The following IGF2BP2 variants were observed in gnomAD, a reference collection of about 807,000 sequenced individuals.
IGF2BP2 encodes the protein insulin-like growth factor 2 mRNA-binding protein 2.
A neutral mutation model predicts 75.8 loss-of-function variants in IGF2BP2; 17 were observed. The observed-to-expected ratio is 0.22, with a 90% CI of 0.15 to 0.34. The LOEUF (loss-of-function observed/expected upper bound fraction) is 0.34. Ranked by LOEUF, IGF2BP2 falls within the 10% of genes least tolerant of loss-of-function variation. The pLI is 1.00. For synonymous variants in IGF2BP2, 288 were observed against 295.6 expected, an observed-to-expected ratio of 0.97 and a Z score of 0.26; for missense variants, 516 against 772.4, an observed-to-expected ratio of 0.67 and a Z score of 3.93.
At chr3:185,781,615 T>A (rs534308503) in intron 2 of IGF2BP2, among the ~76,000 whole-genome samples, 2 of 152,218 alleles carry the variant, frequency 1.3e-5, no homozygotes, top group African/African-American at 4.8e-5. Flanking sequence ...GATACAACTC[T>A]GGACATATAT....
intron 2 of IGF2BP2, among the ~76,000 whole-genome samples, chr3:185,711,772 G>T (rs1724834284): frequency 1.3e-5 from 2 of 152,156 alleles, no homozygotes. Context: ...CTTGCCTAGA[G>T]CCTTGTCCTT....
At chr3:185,653,041 AAAG>A (rs1269058754) in intron 12 of IGF2BP2, among the ~76,000 whole-genome samples, 1 of 152,058 alleles carries the variant, frequency 6.6e-6, no homozygotes, top group East Asian at 1.9e-4. Flanking sequence ...AAAGTCCTCC[AAAG>A]AAGAGCTCAA....
Position 185,644,409 on chromosome 3 carries a change from A to G in IGF2BP2, c.*1122T>C, listed in dbSNP as rs1238331098. ...ACAAAATACATTCTTTCATTGTGGA[A>G]TTTTTTCTTTGTTTGGTTGATTGGT... On this transcript the variant is annotated 3_prime_UTR_variant, in exon 16 of 16. Transcript: ENST00000382199. The G allele has an allele frequency of 6.6e-6, 1 of 152,212 alleles. No individual in the cohort carries two copies. 9.4% of individuals were successfully genotyped at this position (152,212 alleles called of 1,614,324 possible). A position where few individuals can be genotyped will look rare whatever the true frequency, so the allele number is the denominator to read the frequency against.
chr3:185,782,242 G>C (rs1345245651), intron 2 of IGF2BP2, among the ~76,000 whole-genome samples: 3 of 152,094 alleles, frequency 2.0e-5, no homozygotes, highest in African/African-American at 4.8e-5. Flanking sequence ...TAATGATGTA[G>C]AGAATTATTA....
intron 2 of IGF2BP2, among the ~76,000 whole-genome samples, chr3:185,799,609 G>A (rs1178775444): frequency 8.5e-5 from 13 of 152,114 alleles, no homozygotes; most frequent in African/African-American, 3.1e-4. Flanking sequence ...AAAATTAGCT[G>A]GGCGTGGTGG....
At chr3:185,740,933 G>A (rs1488706148) in intron 2 of IGF2BP2, among the ~76,000 whole-genome samples, 2 of 152,030 alleles carry the variant, frequency 1.3e-5, no homozygotes, top group African/African-American at 2.4e-5. Context: ...GCTGGAGTGC[G>A]GTGGCGCGAT....
chr3:185,659,888 G>A (rs1395033558), intron 10 of IGF2BP2, among the ~76,000 whole-genome samples: 3 of 149,002 alleles, frequency 2.0e-5, no homozygotes, highest in East Asian at 2.0e-4. Flanking sequence ...TCCACCTCCC[G>A]GGTTCAAGCG....
chr3:185,682,836 G>A (rs1720584401), intron 7 of IGF2BP2, among the ~76,000 whole-genome samples: 1 of 152,174 alleles, frequency 6.6e-6, no homozygotes, highest in Non-Finnish European at 1.5e-5. Flanking sequence ...CCTGTGCACT[G>A]TTGGTGGGGT....
chr3:185,810,484 G>A (rs1200050900), intron 2 of IGF2BP2, among the ~76,000 whole-genome samples: 1 of 152,152 alleles, frequency 6.6e-6, no homozygotes, highest in Non-Finnish European at 1.5e-5. Flanking sequence ...ACATTTAACA[G>A]GCAGAATGGC....
intron 2 of IGF2BP2, among the ~76,000 whole-genome samples, chr3:185,796,123 G>T (rs1182743646): frequency 6.6e-6 from 1 of 152,052 alleles, no homozygotes; most frequent in African/African-American, 2.4e-5. Flanking sequence ...AATCCCTAAG[G>T]TCTATGGATT....
At chr3:185,803,884 G>A (rs954820692) in intron 2 of IGF2BP2, among the ~76,000 whole-genome samples, 3 of 152,194 alleles carry the variant, frequency 2.0e-5, no homozygotes, top group Non-Finnish European at 4.4e-5. Flanking sequence ...AGCACTTTAG[G>A]AGGCCGAGGC....
chr3:185,794,089 C>G (rs1238955291), intron 2 of IGF2BP2, among the ~76,000 whole-genome samples: 1 of 151,820 alleles, frequency 6.6e-6, no homozygotes, highest in Non-Finnish European at 1.5e-5. Flanking sequence ...TCTCAAGCAG[C>G]TGAGACTACA....
intron 7 of IGF2BP2, 31 bp downstream of exon 7, chr3:185,687,026 T>A (rs765962180): frequency 6.2e-7 from 1 of 1,603,054 alleles, no homozygotes; most frequent in Non-Finnish European, 8.5e-7. Context: ...TTTTCTCTGT[T>A]GAGTGATCTG....
At chr3:185,672,431 G>C (rs148178401) in intron 10 of IGF2BP2, 110 bp downstream of exon 10, 2 of 1,122,980 alleles carry the variant, frequency 1.8e-6, no homozygotes, top group South Asian at 3.3e-5. Flanking sequence ...ATCTCTACTC[G>C]AGCATGGCCT....
At chr3:185,820,235 T>TACACACACACACACACAC (rs202064714) in intron 2 of IGF2BP2, among the ~76,000 whole-genome samples, 194 of 102,796 alleles carry the variant, frequency 1.9e-3, no homozygotes, top group African/African-American at 6.6e-3. Context: ...TATATACACA[T>TACACACACACACACACAC]ACACACACAC....
rs5855070 is a variant in IGF2BP2 at position 185,689,967 on chromosome 3, C to CAAAAAAAAA, written c.405-349_405-341dup. ...TGGGCGACAGAGCGAGACTCCGTCT[C>CAAAAAAAAA]AAAAAAAAAAAAAAAAAGAAAGACC... On this transcript the variant is annotated intron_variant, in intron 5 of 15. Transcript: ENST00000382199. 4.2e-5 allele frequency among the ~76,000 whole-genome samples: 5 copies of CAAAAAAAAA among 118,192 alleles called. No homozygotes were observed. In the South Asian group the frequency reaches 1.5e-3, roughly 34 times the overall value. 77.5% of individuals were successfully genotyped at this position (118,192 alleles called of 152,430 possible). A position where few individuals can be genotyped will look rare whatever the true frequency, so the allele number is the denominator to read the frequency against.
At chr3:185,757,426 T>G (rs1578206858) in intron 2 of IGF2BP2, among the ~76,000 whole-genome samples, 1 of 151,950 alleles carries the variant, frequency 6.6e-6, no homozygotes, top group African/African-American at 2.4e-5. Context: ...CTGTACCAAT[T>G]AAGTATAGCC....
intron 2 of IGF2BP2, among the ~76,000 whole-genome samples, chr3:185,760,283 G>A (rs1195636000): frequency 6.6e-6 from 1 of 152,096 alleles, no homozygotes; most frequent in African/African-American, 2.4e-5. Flanking sequence ...CCTGAGAAGT[G>A]TGCATTTTGT....
At chr3:185,758,627 C>T (rs1246900494) in intron 2 of IGF2BP2, among the ~76,000 whole-genome samples, 1 of 152,162 alleles carries the variant, frequency 6.6e-6, no homozygotes, top group South Asian at 2.1e-4. Flanking sequence ...GTTAGCACTG[C>T]TGCATATCCA....
Sources: allele counts gnomAD v4.1 joint callset (sites outside exome capture counted in the v4.1 genomes callset), GRCh38; gene constraint gnomAD v4.1.1; transcripts MANE v1.5; gene names NCBI Gene and HGNC (gene_info 2026-07-23, HGNC 2026-07-21).